CASP6: variants seen among roughly 807,000 people sequenced by gnomAD.
CASP6 encodes caspase-6.
In CASP6, 20 loss-of-function variants were observed where a neutral mutation model predicts 31.8. That is an observed-to-expected ratio of 0.63 (90% CI 0.44 to 0.91). The LOEUF is 0.91. Ranked by LOEUF, CASP6 falls within the 40% of genes least tolerant of loss-of-function variation. The pLI, the probability that CASP6 is intolerant of heterozygous loss-of-function variation, is 0.00. For synonymous variants in CASP6, 130 were observed against 127.8 expected (o/e 1.02, Z -0.12); for missense variants, 328 against 361.1 (o/e 0.91, Z 0.74).
chr4:109,706,168 T>C (rs189660571), upstream of CASP6, among the ~76,000 whole-genome samples: 4,704 of 92,436 alleles, frequency 0.051, 308 homozygotes, highest in East Asian at 0.16. Context: ...TATATATATA[T>C]ATACACACAC....
At chr4:109,686,174 G>A (rs949158197), downstream of CASP6, among the ~76,000 whole-genome samples, 2 of 152,174 alleles carry the variant, frequency 1.3e-5, no homozygotes, top group African/African-American at 2.4e-5. Flanking sequence ...GATTCTTGCT[G>A]TTGCCCACAC....
At chr4:109,673,742 A>G in the CASP6 span, 1 of 531,544 alleles carries the variant, frequency 1.9e-6, no homozygotes, top group Non-Finnish European at 3.3e-6. Context: ...CAAGGAAGAC[A>G]CATAAATGAG....
chr4:109,695,720 C>T (rs971855233), intron 4 of CASP6, among the ~76,000 whole-genome samples: 8 of 139,398 alleles, frequency 5.7e-5, no homozygotes, highest in South Asian at 2.3e-4. Context: ...CAGCCTGGGG[C>T]GGACAGCGAG....
At chr4:109,675,096 G>GA in the CASP6 span, among the ~76,000 whole-genome samples, 7 of 151,890 alleles carry the variant, frequency 4.6e-5, no homozygotes, top group East Asian at 1.9e-4. Flanking sequence ...ATGTCAAAAA[G>GA]AAAAAAAAGA....
chr4:109,673,121 G>C, the CASP6 span, among the ~76,000 whole-genome samples: 1 of 152,168 alleles, frequency 6.6e-6, no homozygotes, highest in Non-Finnish European at 1.5e-5. Flanking sequence ...AGAGAGAAGG[G>C]TGACAGAAAT....
At chr4:109,707,496 C>T (rs2126164350), upstream of CASP6, among the ~76,000 whole-genome samples, 1 of 151,808 alleles carries the variant, frequency 6.6e-6, no homozygotes, top group African/African-American at 2.4e-5. Flanking sequence ...AAGCGATTCT[C>T]CTGCCTTGGC....
At chr4:109,679,296 C>T in the CASP6 span, among the ~76,000 whole-genome samples, 7 of 152,206 alleles carry the variant, frequency 4.6e-5, no homozygotes, top group Non-Finnish European at 8.8e-5. Context: ...CCAAGGCAGG[C>T]GGCTGGGAGG....
upstream of CASP6, among the ~76,000 whole-genome samples, chr4:109,706,131 T>TTATATATATATATATATATATATA (rs58847180): frequency 2.8e-5 from 1 of 36,106 alleles, no homozygotes; most frequent in African/African-American, 1.3e-4. Flanking sequence ...CCTATCCATT[T>TTATATATATATATATATATATATA]TATATATATA....
chr4:109,685,138 CTCAT>C (rs752665630), downstream of CASP6: 235 of 607,492 alleles, frequency 3.9e-4, no homozygotes, highest in Admixed American at 5.7e-4. Flanking sequence ...AAATATTTCA[CTCAT>C]TCATCTGCCT....
At chr4:109,674,239 C>T in the CASP6 span, 1 of 703,578 alleles carries the variant, frequency 1.4e-6, no homozygotes, top group Non-Finnish European at 2.6e-6. Flanking sequence ...GGTAACATGG[C>T]ATTTTGAATA....
chr4:109,705,038 C>T (rs1309770936), upstream of CASP6, among the ~76,000 whole-genome samples: 1 of 152,170 alleles, frequency 6.6e-6, no homozygotes, highest in Non-Finnish European at 1.5e-5. Flanking sequence ...ATGAAACGGC[C>T]TTCTATTGGA....
chr4:109,685,901 C>T (rs1307490353), downstream of CASP6, among the ~76,000 whole-genome samples: 1 of 152,150 alleles, frequency 6.6e-6, no homozygotes. Context: ...TATCTCTGGC[C>T]TCCCAATTTA....
chr4:109,699,357 C>G (rs761346758), intron 1 of CASP6, among the ~76,000 whole-genome samples: 8 of 152,178 alleles, frequency 5.3e-5, no homozygotes, highest in Admixed American at 1.3e-4. Context: ...CCTTAGAGAT[C>G]TCCCCATTAC....
downstream of CASP6, chr4:109,687,499 C>G (rs368602375): frequency 6.3e-7 from 1 of 1,591,308 alleles, no homozygotes; most frequent in Non-Finnish European, 8.6e-7. Flanking sequence ...CATGCTTTTT[C>G]TTTTTCCCAT....
At chr4:109,682,459 A>G in the CASP6 span, 1 of 753,994 alleles carries the variant, frequency 1.3e-6, no homozygotes, top group African/African-American at 1.8e-5. Flanking sequence ...ATGTTTGTAC[A>G]CCAGCTTCCT....
intron 1 of CASP6, among the ~76,000 whole-genome samples, chr4:109,699,785 C>T (rs1345300463): frequency 1.3e-5 from 2 of 152,208 alleles, no homozygotes; most frequent in South Asian, 2.1e-4. Context: ...GAGGTACTTC[C>T]TACTCCACAC....
chr4:109,678,343 T>G, the CASP6 span, among the ~76,000 whole-genome samples: 2 of 152,188 alleles, frequency 1.3e-5, no homozygotes, highest in Non-Finnish European at 2.9e-5. Context: ...TCGGAGCTGT[T>G]GGGTACACCT....
rs1730359696 is a variant in CASP6 at position 109,699,669 on chromosome 4, A to G, written c.41-1327T>C. On this transcript the variant is annotated intron_variant, in intron 1 of 6. Coordinates refer to ENST00000265164, the MANE Select transcript of CASP6 (RefSeq NM_001226.4). Reference sequence around the variant, plus strand: ...GCATTTTTCACAAAGTGATTTTTACACTAAGGTGTGAGAGCCAAAAGCAAC... The same window carrying G: ...GCATTTTTCACAAAGTGATTTTTACGCTAAGGTGTGAGAGCCAAAAGCAAC... Among the ~76,000 whole-genome samples the G allele has an allele frequency of 1.3e-5, 2 of 152,108 alleles. 1 individual carries two copies. The highest frequency in any genetic ancestry group is 4.1e-4 in the South Asian group (2 of 4,824).
At chr4:109,677,060 T>A in the CASP6 span, among the ~76,000 whole-genome samples, 9 of 152,254 alleles carry the variant, frequency 5.9e-5, no homozygotes, top group African/African-American at 2.2e-4. Context: ...GGGGCAGGAC[T>A]GCCCAAGATT....
Sources: gnomAD v4.1 joint callset for allele counts (sites outside exome capture counted in the v4.1 genomes callset) on GRCh38, gnomAD v4.1.1 for gene constraint, MANE v1.5 for transcripts, NCBI Gene and HGNC (gene_info 2026-07-23, HGNC 2026-07-21) for gene names.